Variants in ZNF718 observed in about 807,000 individuals in gnomAD.
ZNF718 encodes the protein zinc finger protein 718.
A neutral mutation model predicts 2.6 loss-of-function variants in ZNF718; 3 were observed. That is an observed-to-expected ratio of 1.16 (90% CI 0.53 to 3.01). ZNF718 has a LOEUF of 3.01. Among genes scored for constraint, ZNF718 ranks in the 30% most tolerant of loss-of-function variants. The probability of loss-of-function intolerance (pLI) is 0.03; values close to 1 mark genes in which losing one functional copy is unlikely to be tolerated. For missense variants in ZNF718, 468 were observed against 230.0 expected, an observed-to-expected ratio of 2.03 and a Z score of -6.69; for synonymous variants, 135 against 77.9, an observed-to-expected ratio of 1.73 and a Z score of -3.86.
rs553460040 is a variant in ZNF718, at chr4:160,557, A to G, written c.227-355A>G. Reference sequence around the variant, plus strand: ...AGTATATTTATTTACTTATTTGTTTATTTATTTATTGAGATGGGGTCTCAC... The same window carrying G: ...AGTATATTTATTTACTTATTTGTTTGTTTATTTATTGAGATGGGGTCTCAC... On this transcript the variant is annotated intron_variant, in intron 3 of 3. Transcript: ENST00000510175. Among the ~76,000 whole-genome samples the G allele has an allele frequency of 5.9e-5, 9 of 151,978 alleles. No individual in the cohort carries two copies. In the East Asian group the frequency reaches 1.5e-3, roughly 26 times the overall value.
At chr4:165,515 T>C (rs138789316), downstream of ZNF718, among the ~76,000 whole-genome samples, 490 of 152,296 alleles carry the variant, frequency 3.2e-3, 2 homozygotes, top group African/African-American at 0.011. Flanking sequence ...AATTAATTTC[T>C]AGGCCGGGTA....
chr4:161,564 G>T lies in ZNF718; in HGVS notation c.879G>T (p.Lys293Asn), dbSNP rs782240102. The T allele has an allele frequency of 1.2e-5, 9 of 780,298 alleles. No homozygotes were observed. The highest frequency in any genetic ancestry group is 2.2e-5 in the Non-Finnish European group (9 of 417,956). The allele number at this position is 780,298 out of a possible 1,614,324, so 48.3% of individuals were successfully genotyped here. Reference protein sequence around the residue: ...YKCEECGKAFKWSSSLNEHKR... With the variant: ...YKCEECGKAFNWSSSLNEHKR... Reference sequence around the variant, plus strand: ...GTGAAGAATGTGGTAAAGCCTTTAAGTGGTCCTCATCCCTTAATGAACATA... The same window carrying T: ...GTGAAGAATGTGGTAAAGCCTTTAATTGGTCCTCATCCCTTAATGAACATA... Residue 293 changes from lysine to asparagine, a missense_variant, in exon 4 of 4, where the codon AAG becomes AAT. Coordinates refer to ENST00000510175, the MANE Select transcript of ZNF718 (RefSeq NM_001039127.6).
Position 155,304 on chromosome 4 carries a change from C to T in ZNF718, c.227-5608C>T, listed in dbSNP as rs539358720. Reference sequence around the variant, plus strand: ...GCTGTGAGAAGCAGGCCACTGTCCTCCAGGCCCCAGAATGATAGATCCACT... The same window carrying T: ...GCTGTGAGAAGCAGGCCACTGTCCTTCAGGCCCCAGAATGATAGATCCACT... On this transcript the variant is annotated intron_variant, in intron 3 of 3. Coordinates refer to ENST00000510175, the MANE Select transcript of ZNF718 (RefSeq NM_001039127.6). 3.9e-5 allele frequency among the ~76,000 whole-genome samples: 6 copies of T among 152,266 alleles called. No homozygotes were observed. In the South Asian group the frequency reaches 1.0e-3, roughly 26 times the overall value.
chr4:126,396 T>A (rs59365834), intron 1 of ZNF718, among the ~76,000 whole-genome samples: 1,935 of 152,326 alleles, frequency 0.013, 47 homozygotes, highest in African/African-American at 0.044. Context: ...ATCAGTTAAA[T>A]AGGTCATTTG....
intron 3 of ZNF718, among the ~76,000 whole-genome samples, chr4:188,582 C>G (rs1717617457): frequency 6.6e-6 from 1 of 152,150 alleles, no homozygotes; most frequent in Non-Finnish European, 1.5e-5. Flanking sequence ...GTTGCAGTCA[C>G]CTTTGTTGGA....
chr4:153,350 G>A (rs1255445729), intron 3 of ZNF718, among the ~76,000 whole-genome samples: 1 of 151,996 alleles, frequency 6.6e-6, no homozygotes, highest in African/African-American at 2.4e-5. Context: ...GTAGTGTGAT[G>A]TCTCCAGCTT....
chr4:150,898 G>A (rs1716287831), intron 3 of ZNF718, among the ~76,000 whole-genome samples: 1 of 152,096 alleles, frequency 6.6e-6, no homozygotes, highest in Admixed American at 6.6e-5. Flanking sequence ...TTGTGTGTGT[G>A]TGTGTGTGTG....
chr4:165,267 A>G (rs1717060986), downstream of ZNF718, among the ~76,000 whole-genome samples: 1 of 152,178 alleles, frequency 6.6e-6, no homozygotes, highest in South Asian at 2.1e-4. Context: ...TTTATAGCTT[A>G]TCAATGCAAC....
Position 160,949 on chromosome 4 carries a change from G to A in ZNF718, c.264G>A (p.Val88=), listed in dbSNP as rs555496875. ...CSHFTQNLWT[V]QGIEDSFHKL... is the part of the protein sequence containing the mutation. ...ATTTCACCCAAAACCTTTGGACAGT[G>A]CAGGGCATAGAAGATTCATTCCACA... Residue 88 remains valine, a synonymous_variant, in exon 4 of 4, where the codon GTG becomes GTA. Transcript: ENST00000510175. 1.3e-6 allele frequency: 1 copy of A among 780,318 alleles called. No homozygotes were observed. The highest frequency in any genetic ancestry group is 2.4e-6 in the Non-Finnish European group (1 of 417,996). The allele number at this position is 780,318 out of a possible 1,614,324, so 48.3% of individuals were successfully genotyped here. A position where few individuals can be genotyped will look rare whatever the true frequency, so the allele number is the denominator to read the frequency against.
At chr4:186,903 A>G (rs946807250) in intron 3 of ZNF718, among the ~76,000 whole-genome samples, 17 of 150,848 alleles carry the variant, frequency 1.1e-4, no homozygotes, top group South Asian at 1.0e-3. Flanking sequence ...GCCTACTTCT[A>G]TCATTTCAGC....
At chr4:132,092 G>A (rs1399531866) in intron 3 of ZNF718, among the ~76,000 whole-genome samples, 3 of 84,610 alleles carry the variant, frequency 3.5e-5, no homozygotes, top group Non-Finnish European at 5.0e-5. Flanking sequence ...GGCTGAGATC[G>A]TGCCACTGCA....
At chr4:145,134 C>G (rs1715993090) in intron 3 of ZNF718, among the ~76,000 whole-genome samples, 1 of 152,088 alleles carries the variant, frequency 6.6e-6, no homozygotes, top group Non-Finnish European at 1.5e-5. Context: ...CATTTTCTCA[C>G]AGTGGCAGTT....
chr4:201,378 T>C (rs1325744388), intron 4 of ZNF718: 2 of 152,302 alleles, frequency 1.3e-5, no homozygotes, highest in African/African-American at 4.8e-5. Context: ...ACAGTGTTAT[T>C]TTGGTGGGGT....
At chr4:153,438 C>T (rs1384402684) in intron 3 of ZNF718, among the ~76,000 whole-genome samples, 2 of 151,954 alleles carry the variant, frequency 1.3e-5, no homozygotes, top group East Asian at 3.9e-4. Flanking sequence ...TTGTTTTTTC[C>T]ATTTCTGTGA....
At chr4:182,460 G>A (rs1164446437) in intron 3 of ZNF718, among the ~76,000 whole-genome samples, 1 of 151,196 alleles carries the variant, frequency 6.6e-6, no homozygotes, top group Non-Finnish European at 1.5e-5. Flanking sequence ...TTGAGACAGA[G>A]ACTCATTCTG....
At chr4:166,371 G>A (rs1290533825), downstream of ZNF718, among the ~76,000 whole-genome samples, 2 of 152,190 alleles carry the variant, frequency 1.3e-5, no homozygotes, top group Admixed American at 1.3e-4. Context: ...ACCCAGTAAT[G>A]GGATGGCTGG....
intron 3 of ZNF718, among the ~76,000 whole-genome samples, chr4:146,415 G>A (rs1716067418): frequency 6.6e-6 from 1 of 152,006 alleles, no homozygotes; most frequent in Non-Finnish European, 1.5e-5. Context: ...CCTTATAGAT[G>A]TTCCCTTATA....
At chr4:142,876 T>G (rs1553810493) in intron 3 of ZNF718, among the ~76,000 whole-genome samples, 1 of 152,176 alleles carries the variant, frequency 6.6e-6, no homozygotes, top group African/African-American at 2.4e-5. Flanking sequence ...CGAGGTTTGG[T>G]TTATGGAAAC....
chr4:159,444 G>T (rs1716728765), intron 3 of ZNF718, among the ~76,000 whole-genome samples: 1 of 151,448 alleles, frequency 6.6e-6, no homozygotes, highest in Non-Finnish European at 1.5e-5. Context: ...ATTTATAAAT[G>T]ACACATCACT....
Sources: gnomAD v4.1 joint callset for allele counts (sites outside exome capture counted in the v4.1 genomes callset) on GRCh38, gnomAD v4.1.1 for gene constraint, MANE v1.5 for transcripts, NCBI Gene and HGNC (gene_info 2026-07-23, HGNC 2026-07-21) for gene names.